Variants in PPFIBP2 observed in about 807,000 individuals in gnomAD.
PPFIBP2 encodes PPFIB scaffold protein 2.
PPFIBP2 carries 118 observed loss-of-function variants against 118.3 expected under a neutral mutation model. That is an observed-to-expected ratio of 1.00 (90% CI 0.86 to 1.16). The LOEUF (loss-of-function observed/expected upper bound fraction) is 1.16. PPFIBP2 is among the 50% of genes most tolerant of loss of function. PPFIBP2 has a pLI of 0.00. For missense variants in PPFIBP2, 1,195 were observed against 1,073.1 expected (o/e 1.11, Z -1.59); for synonymous variants, 414 against 397.4 (o/e 1.04, Z -0.50).
intron 2 of PPFIBP2, among the ~76,000 whole-genome samples, chr11:7,557,840 A>C (rs1455054332): frequency 6.6e-6 from 1 of 152,112 alleles, no homozygotes; most frequent in Non-Finnish European, 1.5e-5. Context: ...AGGTTTTGCT[A>C]TTGCTACTCC....
chr11:7,516,103 A>G (rs1321370493), intron 1 of PPFIBP2, among the ~76,000 whole-genome samples: 1 of 152,218 alleles, frequency 6.6e-6, no homozygotes, highest in Admixed American at 6.5e-5. Flanking sequence ...GTTCAGATTA[A>G]GTAGTCTGGG....
chr11:7,574,909 C>A (rs1009997190), intron 3 of PPFIBP2, among the ~76,000 whole-genome samples: 1 of 152,160 alleles, frequency 6.6e-6, no homozygotes, highest in Non-Finnish European at 1.5e-5. Context: ...ATAAGACTTG[C>A]TACTTGAGAA....
chr11:7,570,522 A>G (rs562098962), intron 3 of PPFIBP2, among the ~76,000 whole-genome samples: 6 of 152,330 alleles, frequency 3.9e-5, no homozygotes, highest in African/African-American at 1.4e-4. Flanking sequence ...ACCCAGCAGC[A>G]AAGTGAAGGC....
intron 6 of PPFIBP2, among the ~76,000 whole-genome samples, chr11:7,620,114 A>G (rs938568829): frequency 1.3e-5 from 2 of 152,138 alleles, no homozygotes; most frequent in Non-Finnish European, 2.9e-5. Context: ...TTCCAGCTCC[A>G]CCACTTACTA....
At chr11:7,570,131 C>G (rs1855491608) in intron 3 of PPFIBP2, among the ~76,000 whole-genome samples, 2 of 116,462 alleles carry the variant, frequency 1.7e-5, no homozygotes, top group Admixed American at 1.9e-4. Context: ...GTGTCTCTAC[C>G]CCTCCACACC....
chr11:7,553,761 T>C (rs2134580561), intron 2 of PPFIBP2, among the ~76,000 whole-genome samples: 2 of 152,232 alleles, frequency 1.3e-5, no homozygotes, highest in East Asian at 3.8e-4. Flanking sequence ...TTGATATTAG[T>C]ATTAAATTAT....
intron 5 of PPFIBP2, among the ~76,000 whole-genome samples, chr11:7,604,442 ACACCCACCTACT>A (rs1328687846): frequency 6.6e-6 from 1 of 151,212 alleles, no homozygotes; most frequent in Non-Finnish European, 1.5e-5. Flanking sequence ...GCACCCACAC[ACACCCACCTACT>A]CACCCACCCA....
chr11:7,632,073 A>G (rs1055881179), intron 11 of PPFIBP2, among the ~76,000 whole-genome samples: 4 of 152,232 alleles, frequency 2.6e-5, no homozygotes, highest in African/African-American at 9.6e-5. Context: ...GCACTGCTGA[A>G]GGCACAGTGT....
intron 17 of PPFIBP2, among the ~76,000 whole-genome samples, chr11:7,646,813 C>G (rs1853142134): frequency 6.6e-6 from 1 of 152,134 alleles, no homozygotes; most frequent in African/African-American, 2.4e-5. Context: ...AAGAATCAAA[C>G]TATAGAGGTA....
At chr11:7,647,818 A>T (rs1194646193) in intron 17 of PPFIBP2, among the ~76,000 whole-genome samples, 5 of 152,184 alleles carry the variant, frequency 3.3e-5, no homozygotes, top group Admixed American at 6.5e-5. Flanking sequence ...CTCTCAGACC[A>T]GTGTTGTTAG....
chr11:7,545,541 G>A (rs575233288), intron 1 of PPFIBP2, among the ~76,000 whole-genome samples: 16 of 152,164 alleles, frequency 1.1e-4, no homozygotes, highest in African/African-American at 3.4e-4. Flanking sequence ...TTACTGTGCC[G>A]TGCCTAATTT....
chr11:7,574,612 A>G (rs1856060304), intron 3 of PPFIBP2, among the ~76,000 whole-genome samples: 1 of 152,170 alleles, frequency 6.6e-6, no homozygotes, highest in African/African-American at 2.4e-5. Context: ...AAATCAAGTG[A>G]GGTGCCCTGG....
At chr11:7,556,833 A>G (rs556418004) in intron 2 of PPFIBP2, among the ~76,000 whole-genome samples, 110 of 152,336 alleles carry the variant, frequency 7.2e-4, no homozygotes, top group Non-Finnish European at 7.3e-5. Flanking sequence ...GAAGTCTGGC[A>G]ATCTGTATCT....
intron 17 of PPFIBP2, among the ~76,000 whole-genome samples, chr11:7,647,880 C>T (rs550818543): frequency 6.6e-6 from 1 of 152,266 alleles, no homozygotes; most frequent in African/African-American, 2.4e-5. Context: ...GAATGTTCCT[C>T]CTGTTTTGTT....
intron 1 of PPFIBP2, among the ~76,000 whole-genome samples, chr11:7,530,908 T>G (rs1850624024): frequency 6.6e-6 from 1 of 152,184 alleles, no homozygotes; most frequent in South Asian, 2.1e-4. Context: ...CACTTTTTCC[T>G]TTGATTCTGA....
chr11:7,647,909 T>C (rs1853352868), intron 17 of PPFIBP2, among the ~76,000 whole-genome samples: 1 of 152,232 alleles, frequency 6.6e-6, no homozygotes, highest in South Asian at 2.1e-4. Context: ...ATGTGCTAGC[T>C]GTTGTTGATT....
At chr11:7,603,659 T>G (rs148287605) in intron 5 of PPFIBP2, among the ~76,000 whole-genome samples, 1 of 152,214 alleles carries the variant, frequency 6.6e-6, no homozygotes, top group Non-Finnish European at 1.5e-5. Flanking sequence ...GGCAAATTCT[T>G]TTTTTCAGCT....
intron 2 of PPFIBP2, among the ~76,000 whole-genome samples, chr11:7,550,968 G>C (rs566335430): frequency 5.3e-5 from 8 of 152,224 alleles, no homozygotes; most frequent in Non-Finnish European, 7.4e-5. Flanking sequence ...TCAGTTTGCA[G>C]ACGGCCTATT....
intron 5 of PPFIBP2, among the ~76,000 whole-genome samples, chr11:7,602,087 C>CAAAAAAAAAAAAAAAAA (rs201003988): frequency 1.2e-4 from 7 of 56,186 alleles, no homozygotes; most frequent in African/African-American, 2.6e-4. Flanking sequence ...GAATGAAACT[C>CAAAAAAAAAAAAAAAAA]AAAAAAAAAA....
Sources: allele counts gnomAD v4.1 joint callset (sites outside exome capture counted in the v4.1 genomes callset), GRCh38; gene constraint gnomAD v4.1.1; transcripts MANE v1.5; gene names NCBI Gene and HGNC (gene_info 2026-07-23, HGNC 2026-07-21).